Variants in RASGRP2 observed in about 807,000 individuals in gnomAD.
RASGRP2 encodes the protein RAS guanyl releasing protein 2.
RASGRP2 carries 44 observed loss-of-function variants against 71.0 expected under a neutral mutation model. That is an observed-to-expected ratio of 0.62 (90% CI 0.49 to 0.80). RASGRP2 has a LOEUF of 0.80. Among genes scored for constraint, RASGRP2 ranks in the 30% least tolerant of loss-of-function variants. The pLI is 0.00. For synonymous variants in RASGRP2, 350 were observed against 330.7 expected, an observed-to-expected ratio of 1.06 and a Z score of -0.63; for missense variants, 663 against 813.4, an observed-to-expected ratio of 0.82 and a Z score of 2.25.
intron 8 of RASGRP2, among the ~76,000 whole-genome samples, chr11:64,737,781 C>A (rs1289634130): frequency 6.6e-6 from 1 of 151,050 alleles, no homozygotes; most frequent in East Asian, 2.0e-4. Context: ...AGGCTGGGGG[C>A]AGTGGCTCAC....
chr11:64,734,842 A>AC (rs57558322), intron 12 of RASGRP2, among the ~76,000 whole-genome samples: 5 of 152,146 alleles, frequency 3.3e-5, no homozygotes, highest in Non-Finnish European at 7.4e-5. Context: ...CACAAATAAA[A>AC]CAGCACTTTT....
chr11:64,727,201 G>A, intron 16 of RASGRP2, 70 bp from the exon 17 acceptor site: 2 of 1,113,128 alleles, frequency 1.8e-6, no homozygotes, highest in Non-Finnish European at 2.7e-6. Flanking sequence ...ACCTGGCTTG[G>A]AGCCATTTGG....
intron 9 of RASGRP2, among the ~76,000 whole-genome samples, chr11:64,736,404 C>T (rs576636143): frequency 1.3e-5 from 2 of 151,794 alleles, no homozygotes; most frequent in East Asian, 3.9e-4. Flanking sequence ...AAGCCAAGCC[C>T]AGAACTTCAC....
intron 15 of RASGRP2, among the ~76,000 whole-genome samples, chr11:64,728,281 C>T (rs1022391948): frequency 5.3e-5 from 8 of 152,194 alleles, no homozygotes; most frequent in Non-Finnish European, 1.0e-4. Flanking sequence ...TTTGTTAACC[C>T]CTCCAACAAA....
intron 8 of RASGRP2, 178 bp from the exon 9 acceptor site, chr11:64,737,212 G>A: frequency 1.4e-6 from 1 of 716,634 alleles, no homozygotes; most frequent in Admixed American, 2.3e-5. Context: ...TCATTGCCAT[G>A]AATTCAAGGC....
intron 8 of RASGRP2, among the ~76,000 whole-genome samples, chr11:64,738,255 G>A (rs918335764): frequency 5.9e-5 from 9 of 152,200 alleles, no homozygotes; most frequent in Middle Eastern, 3.4e-3. Flanking sequence ...GTTTTGGACC[G>A]CATACCTACA....
Position 64,743,108 on chromosome 11 carries a change from T to C in RASGRP2, c.-71-171A>G, listed in dbSNP as rs1272394479. 6.6e-6 allele frequency: 5 copies of C among 756,716 alleles called. 1 individual carries two copies. The highest frequency in any genetic ancestry group is 2.9e-5 in the South Asian group (2 of 68,150). The allele number at this position is 756,716 out of a possible 1,614,324, so 46.9% of individuals were successfully genotyped here. ...GGCCCGGGATGGTGCAACCCGCCAG[T>C]TGGGAAACGGACCCGCAGAGAGGCT... On this transcript the variant is annotated intron_variant, in intron 1 of 16. Coordinates refer to ENST00000394432, the MANE Select transcript of RASGRP2 (RefSeq NM_001098671.2). The surrounding 1 kb of genome is among the most constrained non-coding windows in gnomAD (Gnocchi z 4.9).
upstream of RASGRP2, chr11:64,744,686 T>C: frequency 1.1e-5 from 1 of 91,288 alleles, no homozygotes; most frequent in Non-Finnish European, 2.1e-5. Context: ...GGGGGGGGAG[T>C]CGCTGGGGGC....
intron 12 of RASGRP2, among the ~76,000 whole-genome samples, chr11:64,730,962 TGGCCC>T (rs2057745818): frequency 6.6e-6 from 1 of 152,226 alleles, no homozygotes; most frequent in Non-Finnish European, 1.5e-5. Context: ...CCATCGGGAC[TGGCCC>T]TCGCTTGAGA....
chr11:64,729,044 TG>T lies in RASGRP2; in HGVS notation c.1592-3del. 6.3e-7 allele frequency: 1 copy of T among 1,592,596 alleles called. No homozygotes were observed. On this transcript the variant is annotated splice_polypyrimidine_tract_variant and splice_region_variant and intron_variant, in intron 14 of 16. Transcript: ENST00000394432. ...GCTTGTGGCAGTTCACTCCACAGGC[TG>T]GGGGAGAGCAAATGGAGAGCCAGCC...
At chr11:64,744,301 C>G, upstream of RASGRP2, 1 of 985,402 alleles carries the variant, frequency 1.0e-6, no homozygotes, top group Non-Finnish European at 1.2e-6. Flanking sequence ...CCTTGCCCCA[C>G]GGAAAGGTAC....
Position 64,730,132 on chromosome 11 carries a change from C to G in RASGRP2, c.1475G>C (p.Gly492Ala), listed in dbSNP as rs1050610536. ...GTTGTGTACGAAGCCCATGCGCCCCCCCAACACAGAGCTGGAGCGCAGGAA... is the reference window on the plus strand; with the variant it reads ...GTTGTGTACGAAGCCCATGCGCCCCGCCAACACAGAGCTGGAGCGCAGGAA... ...SYFLRSSSVL[G>A]GRMGFVHNFQ... The change falls in exon 13 of 17, where the codon GGG (glycine) becomes GCG (alanine). Residue 492 changes from glycine to alanine, a missense_variant. Physicochemically the swap from Gly to Ala is moderately conservative, Grantham distance 60. Coordinates refer to ENST00000394432, the MANE Select transcript of RASGRP2 (RefSeq NM_001098671.2). 1.9e-6 allele frequency: 3 copies of G among 1,551,338 alleles called. No individual in the cohort carries two copies. Among genetic ancestry groups the G allele is most frequent in the Middle Eastern group, 1.7e-4 (1 of 5,870 alleles).
chr11:64,735,741 C>T lies in RASGRP2; in HGVS notation c.1174-77G>A, dbSNP rs1005184565. ...GCCCCGGGGAACAGAGAGGGGAATCCCTGGGAGAGGGAAGTCTGCCCAACA... is the reference window on the plus strand; with the variant it reads ...GCCCCGGGGAACAGAGAGGGGAATCTCTGGGAGAGGGAAGTCTGCCCAACA... On this transcript the variant is annotated intron_variant, in intron 10 of 16. Coordinates refer to ENST00000394432, the MANE Select transcript of RASGRP2 (RefSeq NM_001098671.2). This position sits in a 1 kb window ranked among gnomAD's most constrained non-coding sequence, Gnocchi z 4.2. 1.7e-5 allele frequency: 27 copies of T among 1,548,912 alleles called. No homozygotes were observed. Among genetic ancestry groups the T allele is most frequent in the African/African-American group, 4.1e-5 (3 of 73,938 alleles).
chr11:64,734,014 A>C (rs1027233238), intron 12 of RASGRP2, among the ~76,000 whole-genome samples: 2 of 151,684 alleles, frequency 1.3e-5, no homozygotes, highest in African/African-American at 4.8e-5. Context: ...ACCCATGCCC[A>C]AAAAAAATTT....
chr11:64,732,575 C>G (rs557549329), intron 12 of RASGRP2, among the ~76,000 whole-genome samples: 1 of 152,116 alleles, frequency 6.6e-6, no homozygotes, highest in Non-Finnish European at 1.5e-5. Flanking sequence ...TAGTGGATCA[C>G]GAGGTCTGGA....
At position 64,736,814 on chromosome 11, in the gene RASGRP2, G is replaced by T; in HGVS notation, c.1034C>A (p.Ala345Asp). 6.2e-7 allele frequency: 1 copy of T among 1,611,106 alleles called. No homozygotes were observed. ...KQLFSILEEL[A>D]MVTSLRPPVQ... ...TGGTGGCCGCAGGCTGGTCACCATG[G>T]CCAGCTCCTCCAGGATGCTAAAGAG... The change falls in exon 9 of 17, where the codon GCC (alanine) becomes GAC (aspartate). Residue 345 changes from alanine to aspartate, a missense_variant. Ala to Asp is a moderately radical substitution (Grantham distance 126). Coordinates refer to ENST00000394432, the MANE Select transcript of RASGRP2 (RefSeq NM_001098671.2).
chr11:64,739,589 C>G lies in RASGRP2; in HGVS notation c.696+47G>C, dbSNP rs748405156. On this transcript the variant is annotated intron_variant, in intron 7 of 16. Coordinates refer to ENST00000394432, the MANE Select transcript of RASGRP2 (RefSeq NM_001098671.2). The surrounding 1 kb of genome is among the most constrained non-coding windows in gnomAD (Gnocchi z 4.2). ...TAGGGGAAGGGAAGGGTTGGCCTGACTGGCATGTGGGGTGGTTGGGAGACA... is the reference window on the plus strand; with the variant it reads ...TAGGGGAAGGGAAGGGTTGGCCTGAGTGGCATGTGGGGTGGTTGGGAGACA... 1.2e-6 allele frequency: 2 copies of G among 1,612,986 alleles called. No homozygotes were observed. The highest frequency in any genetic ancestry group is 1.7e-6 in the Non-Finnish European group (2 of 1,179,162).
Position 64,743,007 on chromosome 11 carries a change from G to A in RASGRP2, c.-71-70C>T, listed in dbSNP as rs2058187397. ...GGGGAGCGGCCCCGCGGGCAGAAAC[G>A]GGGCGGGGCGGGCACGCCCCCTGCT... On this transcript the variant is annotated intron_variant, in intron 1 of 16. Coordinates refer to ENST00000394432, the MANE Select transcript of RASGRP2 (RefSeq NM_001098671.2). This position sits in a 1 kb window ranked among gnomAD's most constrained non-coding sequence, Gnocchi z 4.9. The A allele has an allele frequency of 1.4e-6, 2 of 1,461,750 alleles. No homozygotes were observed. Among genetic ancestry groups the A allele is most frequent in the South Asian group, 1.2e-5 (1 of 80,026 alleles). The allele number at this position is 1,461,750 out of a possible 1,614,324, so 90.5% of individuals were successfully genotyped here.
chr11:64,730,316 G>A, intron 12 of RASGRP2, 122 bp from the exon 13 acceptor site: 1 of 1,312,966 alleles, frequency 7.6e-7, no homozygotes, highest in Non-Finnish European at 1.1e-6. Context: ...TCCTGTTGCA[G>A]AGTAAAGAAA....
Sources: allele counts gnomAD v4.1 joint callset (sites outside exome capture counted in the v4.1 genomes callset), GRCh38; gene constraint gnomAD v4.1.1; non-coding constraint Gnocchi (gnomAD v3.1); transcripts MANE v1.5; gene names NCBI Gene and HGNC (gene_info 2026-07-23, HGNC 2026-07-21).